The following COL18A1 variants were observed in gnomAD, a reference collection of about 807,000 sequenced individuals.
COL18A1 encodes collagen alpha-1(XVIII) chain.
A neutral mutation model predicts 168.0 loss-of-function variants in COL18A1; 133 were observed. The observed-to-expected ratio is 0.79, with a 90% CI of 0.69 to 0.91. The LOEUF (loss-of-function observed/expected upper bound fraction) is 0.91, where lower values mean the gene tolerates loss of function less well. COL18A1 is among the 40% of genes least tolerant of loss of function. The pLI is 0.00. For missense variants in COL18A1, 2,126 were observed against 1,925.4 expected (o/e 1.10, Z -1.95); for synonymous variants, 949 against 809.0 (o/e 1.17, Z -2.94).
chr21:45,487,693 C>A, intron 17 of COL18A1, 184 bp downstream of exon 17: 1 of 757,366 alleles, frequency 1.3e-6, no homozygotes, highest in Non-Finnish European at 2.3e-6. Context: ...GATGCCCCTT[C>A]ATTGAACTAA....
chr21:45,469,504 C>T (rs1295887479), intron 3 of COL18A1, among the ~76,000 whole-genome samples: 1 of 152,220 alleles, frequency 6.6e-6, no homozygotes, highest in Admixed American at 6.5e-5. Flanking sequence ...GGTGAACGCA[C>T]GTGGCCGCCT....
intron 2 of COL18A1, chr21:45,421,767 C>A: frequency 2.7e-6 from 1 of 371,900 alleles, no homozygotes; most frequent in Non-Finnish European, 5.4e-6. Flanking sequence ...GCCAGGTGGA[C>A]CACCGAGTGG....
intron 2 of COL18A1, among the ~76,000 whole-genome samples, chr21:45,427,823 G>A (rs756071022): frequency 3.9e-4 from 60 of 152,248 alleles, no homozygotes; most frequent in Non-Finnish European, 4.4e-4. Context: ...CCAGCGGAAG[G>A]GGGGCGAGGC....
At chr21:45,486,664 T>C (rs188897258) in intron 15 of COL18A1, among the ~76,000 whole-genome samples, 197 bp from the exon 16 acceptor site, 11 of 152,358 alleles carry the variant, frequency 7.2e-5, no homozygotes, top group African/African-American at 2.6e-4. Flanking sequence ...TCTCCTCAGT[T>C]GTGTTTCTGT....
Position 45,473,994 on chromosome 21 carries a change from T to A in COL18A1, c.738+13T>A. 6.3e-7 allele frequency: 1 copy of A among 1,576,168 alleles called. No homozygotes were observed. The highest frequency in any genetic ancestry group is 8.6e-7 in the Non-Finnish European group (1 of 1,160,218). On this transcript the variant is annotated intron_variant, in intron 4 of 41. Transcript: ENST00000651438. The surrounding 1 kb of genome is among the most constrained non-coding windows in gnomAD (Gnocchi z 4.0). Reference sequence around the variant, plus strand: ...TGACTCAGATGGGGTGAGTGACATCTGGGGCACGGGTGGGGTCTCCCCTCA... The same window carrying A: ...TGACTCAGATGGGGTGAGTGACATCAGGGGCACGGGTGGGGTCTCCCCTCA...
intron 15 of COL18A1, 106 bp downstream of exon 15, chr21:45,482,927 T>A: frequency 1.3e-6 from 2 of 1,555,746 alleles, no homozygotes; most frequent in African/African-American, 2.7e-5. Context: ...GTGAGCTCTC[T>A]TGGGGCTGGC....
intron 32 of COL18A1, among the ~76,000 whole-genome samples, chr21:45,503,160 T>C (rs953960422): frequency 2.6e-5 from 4 of 152,222 alleles, no homozygotes; most frequent in Admixed American, 1.3e-4. Flanking sequence ...ACTTCCACAA[T>C]GGTTGAACTA....
rs747143510 is a variant in COL18A1 at position 45,492,402 on chromosome 21, C to T, written c.2158-133C>T. The T allele has an allele frequency of 3.4e-4, 381 of 1,109,018 alleles. 2 individuals carry two copies. The highest frequency in any genetic ancestry group is 5.1e-4 in the Admixed American group (30 of 59,372). 68.7% of individuals were successfully genotyped at this position (1,109,018 alleles called of 1,614,324 possible). A position where few individuals can be genotyped will look rare whatever the true frequency, so the allele number is the denominator to read the frequency against. On this transcript the variant is annotated intron_variant, in intron 22 of 41. Coordinates refer to ENST00000651438, the MANE Select transcript of COL18A1 (RefSeq NM_001379500.1). ...GTGCTGCAGGAGGGATGCCCCAGGC[C>T]CAGGAAGACTGGAAAGCAACATTTT...
At chr21:45,406,026 C>G (rs1249597841) in intron 2 of COL18A1, among the ~76,000 whole-genome samples, 1 of 151,996 alleles carries the variant, frequency 6.6e-6, no homozygotes, top group Non-Finnish European at 1.5e-5. Flanking sequence ...GCCAACCGAG[C>G]GCCGCGCGGT....
chr21:45,460,553 C>T (rs1009629087), intron 2 of COL18A1, among the ~76,000 whole-genome samples: 1 of 152,232 alleles, frequency 6.6e-6, no homozygotes, highest in African/African-American at 2.4e-5. Flanking sequence ...TTCATCGCTC[C>T]TCCCTACCCC....
chr21:45,482,295 C>T, intron 14 of COL18A1: 2 of 665,048 alleles, frequency 3.0e-6, no homozygotes, highest in South Asian at 3.0e-5. Context: ...CTCCAAGCTT[C>T]CACGTTGGTT....
chr21:45,499,114 C>T (rs1398713681), intron 32 of COL18A1, among the ~76,000 whole-genome samples: 6 of 152,186 alleles, frequency 3.9e-5, no homozygotes, highest in South Asian at 2.1e-4. Flanking sequence ...CTCAACAAAA[C>T]GGGAGAAGCC....
At chr21:45,450,666 C>T (rs995381287) in intron 2 of COL18A1, among the ~76,000 whole-genome samples, 4 of 152,324 alleles carry the variant, frequency 2.6e-5, no homozygotes, top group African/African-American at 9.6e-5. Context: ...AGGGTGGAAC[C>T]TTCCCGAAGA....
chr21:45,479,053 C>T (rs1176611036), intron 9 of COL18A1, among the ~76,000 whole-genome samples: 2 of 150,738 alleles, frequency 1.3e-5, no homozygotes, highest in Non-Finnish European at 3.0e-5. Flanking sequence ...ACGGGGCCCA[C>T]CCACTGCAAC....
chr21:45,512,046 G>A (rs988003656), intron 41 of COL18A1, 142 bp from the exon 42 acceptor site: 13 of 863,104 alleles, frequency 1.5e-5, no homozygotes, highest in Non-Finnish European at 2.1e-5. Context: ...AGGCCATGTG[G>A]CCCTCCAGGT....
Position 45,419,332 on chromosome 21 carries a change from T to A in COL18A1, c.106+13859T>A, listed in dbSNP as rs146575410. ...AGTGACGCAATGCCGTGTAGTTACATGATGCTGTGTGTAGTGATGCGCGAT... is the reference window on the plus strand; with the variant it reads ...AGTGACGCAATGCCGTGTAGTTACAAGATGCTGTGTGTAGTGATGCGCGAT... On this transcript the variant is annotated intron_variant, in intron 2 of 41. Transcript: ENST00000651438. 9.7e-4 allele frequency among the ~76,000 whole-genome samples: 147 copies of A among 150,892 alleles called. 1 individual carries two copies. The highest frequency in any genetic ancestry group is 3.3e-3 in the African/African-American group (136 of 40,992).
rs758592031 is a variant in COL18A1 at position 45,480,875 on chromosome 21, C to T, written c.1611+17C>T. On this transcript the variant is annotated intron_variant, in intron 13 of 41. Coordinates refer to ENST00000651438, the MANE Select transcript of COL18A1 (RefSeq NM_001379500.1). ...GGCCTCCCGGTAAGTCCTGCCTCCA[C>T]CGTCAGTGTCGGGAGCCCTGTCTGC... is the stretch of plus-strand genomic sequence containing the variant. The T allele has an allele frequency of 1.2e-6, 2 of 1,605,290 alleles. No homozygotes were observed. The highest frequency in any genetic ancestry group is 2.2e-5 in the East Asian group (1 of 44,590).
chr21:45,437,346 G>A (rs1432328523), intron 2 of COL18A1, among the ~76,000 whole-genome samples: 3 of 48,404 alleles, frequency 6.2e-5, no homozygotes, highest in Non-Finnish European at 7.1e-5. Context: ...AGACACACAG[G>A]CACTCTCCTG....
At chr21:45,477,353 A>G in intron 6 of COL18A1, 58 bp from the exon 7 acceptor site, 1 of 1,447,454 alleles carries the variant, frequency 6.9e-7, no homozygotes, top group South Asian at 1.2e-5. Flanking sequence ...GGGTGCCGAG[A>G]GCAGAGCTGG....
Sources: allele counts gnomAD v4.1 joint callset (sites outside exome capture counted in the v4.1 genomes callset), GRCh38; gene constraint gnomAD v4.1.1; non-coding constraint Gnocchi (gnomAD v3.1); transcripts MANE v1.5; gene names NCBI Gene and HGNC (gene_info 2026-07-23, HGNC 2026-07-21).